The following ZBTB7C variants were observed in gnomAD, a reference collection of about 807,000 sequenced individuals.
The protein encoded by ZBTB7C is zinc finger and BTB domain-containing protein 7C.
Under a neutral mutation model 25.7 loss-of-function variants are expected in ZBTB7C, and 8 were observed. The ratio of observed to expected loss-of-function variants is 0.31; its 90% CI spans 0.18 to 0.56. The LOEUF is 0.56. Ranked by LOEUF, ZBTB7C falls within the 20% of genes least tolerant of loss-of-function variation. The probability of loss-of-function intolerance (pLI) is 0.91; values close to 1 mark genes in which losing one functional copy is unlikely to be tolerated. For missense variants in ZBTB7C, 824 were observed against 855.2 expected (o/e 0.96, Z 0.46); for synonymous variants, 394 against 369.0 (o/e 1.07, Z -0.78).
intron 1 of ZBTB7C, among the ~76,000 whole-genome samples, chr18:48,386,215 G>T (rs1315868880): frequency 6.6e-6 from 1 of 152,164 alleles, no homozygotes; most frequent in Non-Finnish European, 1.5e-5. Context: ...AGGACAATCT[G>T]CCCTCTTCCC....
chr18:48,057,379 G>A (rs2036960722), intron 3 of ZBTB7C, among the ~76,000 whole-genome samples: 1 of 152,106 alleles, frequency 6.6e-6, no homozygotes. Context: ...ACATCATGGA[G>A]TACTATGCAG....
At chr18:48,137,417 C>G (rs114449009) in intron 3 of ZBTB7C, 1 of 685,996 alleles carries the variant, frequency 1.5e-6, no homozygotes, top group Non-Finnish European at 1.8e-6. Context: ...TGTGGGTTTC[C>G]CCCCACTCTC....
At chr18:48,408,090 A>G (rs1044173194) in intron 1 of ZBTB7C, among the ~76,000 whole-genome samples, 5 of 152,156 alleles carry the variant, frequency 3.3e-5, no homozygotes, top group South Asian at 2.1e-4. Context: ...CTCCGGCTCT[A>G]GCCTTGCGCA....
intron 2 of ZBTB7C, among the ~76,000 whole-genome samples, chr18:48,239,461 T>A (rs1347831266): frequency 6.6e-6 from 1 of 152,108 alleles, no homozygotes; most frequent in Admixed American, 6.5e-5. Context: ...CCTAACAAAG[T>A]CCACTTCACT....
At chr18:48,277,268 A>G (rs917266489) in intron 2 of ZBTB7C, among the ~76,000 whole-genome samples, 2 of 147,800 alleles carry the variant, frequency 1.4e-5, no homozygotes, top group Admixed American at 1.4e-4. Flanking sequence ...GCTAATATCC[A>G]GAATCTACAA....
intron 3 of ZBTB7C, among the ~76,000 whole-genome samples, chr18:48,079,541 C>G (rs555577190): frequency 4.6e-5 from 7 of 152,162 alleles, no homozygotes; most frequent in Non-Finnish European, 1.0e-4. Flanking sequence ...CTGGCCACTT[C>G]ATTTCCTAAC....
At chr18:48,082,213 G>C (rs1346938736) in intron 3 of ZBTB7C, among the ~76,000 whole-genome samples, 8 of 152,184 alleles carry the variant, frequency 5.3e-5, no homozygotes, top group Non-Finnish European at 1.2e-4. Flanking sequence ...CAGCCTATTT[G>C]GAGAAGATTC....
intron 2 of ZBTB7C, among the ~76,000 whole-genome samples, chr18:48,242,585 T>A (rs1237959575): frequency 6.6e-6 from 1 of 151,994 alleles, no homozygotes; most frequent in East Asian, 1.9e-4. Context: ...ATAAACAGAA[T>A]CAAAAATGAA....
chr18:48,391,951 C>T (rs1043652714), intron 1 of ZBTB7C, among the ~76,000 whole-genome samples: 7 of 152,206 alleles, frequency 4.6e-5, no homozygotes, highest in Non-Finnish European at 8.8e-5. Context: ...TCAGTTGTCC[C>T]GGCCACAACT....
At chr18:48,088,786 C>A (rs896977829) in intron 3 of ZBTB7C, among the ~76,000 whole-genome samples, 4 of 151,990 alleles carry the variant, frequency 2.6e-5, no homozygotes, top group Non-Finnish European at 5.9e-5. Flanking sequence ...GCAGAGATTG[C>A]GCTACTGCAC....
At chr18:48,116,958 C>T (rs143131086) in intron 3 of ZBTB7C, among the ~76,000 whole-genome samples, 104 of 152,206 alleles carry the variant, frequency 6.8e-4, no homozygotes, top group African/African-American at 2.3e-3. Flanking sequence ...TTTCCTAGCT[C>T]CCACGGCACT....
chr18:48,247,081 T>C (rs530302767), intron 2 of ZBTB7C, among the ~76,000 whole-genome samples: 77 of 152,324 alleles, frequency 5.1e-4, no homozygotes, highest in African/African-American at 1.8e-3. Flanking sequence ...AGGAAAAGCA[T>C]CTTATAATTT....
chr18:48,347,915 A>G (rs952604260), intron 1 of ZBTB7C, among the ~76,000 whole-genome samples: 4 of 152,226 alleles, frequency 2.6e-5, no homozygotes, highest in African/African-American at 9.6e-5. Flanking sequence ...TGAGGTCAAC[A>G]TGCAAAAAGG....
intron 2 of ZBTB7C, among the ~76,000 whole-genome samples, chr18:48,229,510 T>C (rs2043193661): frequency 1.3e-5 from 2 of 152,294 alleles, no homozygotes; most frequent in South Asian, 4.1e-4. Flanking sequence ...ACTAATAAAA[T>C]GGACAGTTCA....
chr18:48,387,275 A>T (rs2047770530), intron 1 of ZBTB7C, among the ~76,000 whole-genome samples: 1 of 152,172 alleles, frequency 6.6e-6, no homozygotes. Context: ...TTTTTGGTAG[A>T]AAGGTAAAGT....
rs184999155 is a variant in ZBTB7C, at chr18:48,405,743, G to A, written c.-304+3483C>T. Reference sequence around the variant, plus strand: ...CTGCACACAGGCCGGGGTTCACTCCGGTACCCTCCCTGCAGGATGCTGCAC... The same window carrying A: ...CTGCACACAGGCCGGGGTTCACTCCAGTACCCTCCCTGCAGGATGCTGCAC... On this transcript the variant is annotated intron_variant, in intron 1 of 4. Transcript: ENST00000590800. 4.5e-4 allele frequency among the ~76,000 whole-genome samples: 53 copies of A among 117,124 alleles called. 3 individuals carry two copies. The South Asian group carries it at 5.7e-3, about 13-fold the overall frequency. 76.8% of individuals were successfully genotyped at this position (117,124 alleles called of 152,430 possible). A position where few individuals can be genotyped will look rare whatever the true frequency, so the allele number is the denominator to read the frequency against.
chr18:48,399,400 T>C (rs938120697), intron 1 of ZBTB7C, among the ~76,000 whole-genome samples: 3 of 152,134 alleles, frequency 2.0e-5, no homozygotes, highest in Non-Finnish European at 4.4e-5. Context: ...GGAAAAGTAA[T>C]AAAAAATCTG....
chr18:48,040,685 GTCCTCCTTGTCATCC>G lies in ZBTB7C; in HGVS notation c.408_422del (p.Glu136_Glu140del), dbSNP rs2036198288. 1 of 1,613,214 alleles carries G rather than the reference GTCCTCCTTGTCATCC, an allele frequency of 6.2e-7. No individual in the cohort carries two copies. Among genetic ancestry groups the G allele is most frequent in the Non-Finnish European group, 8.5e-7 (1 of 1,179,708 alleles). ...CATCATCATCTTCGTCGTCGTCATC[GTCCTCCTTGTCATCC>G]TCCTCCCCCCCGTCCCCCCCAGGCT... is the stretch of plus-strand genomic sequence containing the variant. On this transcript the variant is annotated inframe_deletion, in exon 4 of 5. Transcript: ENST00000590800.
At chr18:48,275,013 G>A (rs1431337137) in intron 2 of ZBTB7C, among the ~76,000 whole-genome samples, 3 of 152,142 alleles carry the variant, frequency 2.0e-5, no homozygotes, top group African/African-American at 7.2e-5. Flanking sequence ...TGGGGGCTTC[G>A]TCATCTCCAA....
Sources: gnomAD v4.1 joint callset for allele counts (sites outside exome capture counted in the v4.1 genomes callset) on GRCh38, gnomAD v4.1.1 for gene constraint, MANE v1.5 for transcripts, NCBI Gene and HGNC (gene_info 2026-07-23, HGNC 2026-07-21) for gene names.